MACROD2: variants seen among roughly 807,000 people sequenced by gnomAD.
MACROD2 encodes the protein mono-ADP ribosylhydrolase 2, also known as ADP-ribose glycohydrolase MACROD2.
In MACROD2, 36 loss-of-function variants were observed where a neutral mutation model predicts 70.4. That is an observed-to-expected ratio of 0.51 (90% confidence interval 0.39 to 0.68). The LOEUF (loss-of-function observed/expected upper bound fraction) is 0.68, where lower values mean the gene tolerates loss of function less well. Among genes scored for constraint, MACROD2 ranks in the 30% least tolerant of loss-of-function variants. The pLI, the probability that MACROD2 is intolerant of heterozygous loss-of-function variation, is 0.00. For missense variants in MACROD2, 496 were observed against 538.4 expected, an observed-to-expected ratio of 0.92 and a Z score of 0.78; for synonymous variants, 172 against 178.8, an observed-to-expected ratio of 0.96 and a Z score of 0.30.
intron 12 of MACROD2, among the ~76,000 whole-genome samples, chr20:15,944,723 T>A (rs2065797436): frequency 6.6e-6 from 1 of 152,164 alleles, no homozygotes; most frequent in South Asian, 2.1e-4. Flanking sequence ...AATAGTTTTT[T>A]AATTTTTTTG....
chr20:15,630,769 G>A (rs1034445970), intron 8 of MACROD2, among the ~76,000 whole-genome samples: 10 of 152,182 alleles, frequency 6.6e-5, no homozygotes, highest in Admixed American at 1.3e-4. Context: ...AATTACCCTC[G>A]CTAAGTTCTC....
intron 2 of MACROD2, among the ~76,000 whole-genome samples, chr20:14,078,487 A>G (rs964714819): frequency 6.6e-6 from 1 of 151,586 alleles, no homozygotes; most frequent in African/African-American, 2.4e-5. Flanking sequence ...GCTCACTGCA[A>G]CCTCCACCTC....
chr20:15,273,363 G>A (rs914327406), intron 6 of MACROD2, among the ~76,000 whole-genome samples: 1 of 151,848 alleles, frequency 6.6e-6, no homozygotes, highest in Non-Finnish European at 1.5e-5. Flanking sequence ...TTGGCTTACA[G>A]ACAGCCTACT....
intron 3 of MACROD2, among the ~76,000 whole-genome samples, chr20:14,087,140 A>C (rs772725970): frequency 6.6e-6 from 1 of 152,154 alleles, no homozygotes; most frequent in African/African-American, 2.4e-5. Context: ...CATGCCTGTA[A>C]GCCCAGCACT....
rs1307293582 is a variant in MACROD2 at position 15,718,451 on chromosome 20, C to T, written c.646-144294C>T. ...TTGCATTTTTACATAGAGGTAATGC[C>T]GAGGACATGAAGTTATTTTGGATTT... On this transcript the variant is annotated intron_variant, in intron 8 of 17. Coordinates refer to ENST00000684519, the MANE Select transcript of MACROD2 (RefSeq NM_001351661.2). 7.2e-5 allele frequency among the ~76,000 whole-genome samples: 11 copies of T among 152,200 alleles called. No homozygotes were observed. The South Asian group carries it at 1.2e-3, about 17-fold the overall frequency.
intron 5 of MACROD2, among the ~76,000 whole-genome samples, chr20:14,979,752 T>C (rs1429815118): frequency 6.6e-6 from 1 of 152,232 alleles, no homozygotes; most frequent in Non-Finnish European, 1.5e-5. Context: ...TATCCTTTGT[T>C]GTCACGTTGG....
intron 8 of MACROD2, among the ~76,000 whole-genome samples, chr20:15,744,582 T>A (rs1342614242): frequency 6.6e-6 from 1 of 152,144 alleles, no homozygotes; most frequent in Non-Finnish European, 1.5e-5. Context: ...TTGACCAAGC[T>A]TGTGGGTGGT....
chr20:15,283,222 G>A (rs1423021676), intron 6 of MACROD2, among the ~76,000 whole-genome samples: 1 of 152,140 alleles, frequency 6.6e-6, no homozygotes, highest in Non-Finnish European at 1.5e-5. Context: ...AACCATATCA[G>A]CCCCAGACCC....
intron 2 of MACROD2, among the ~76,000 whole-genome samples, chr20:14,009,491 G>C (rs2052868619): frequency 6.6e-6 from 1 of 152,144 alleles, no homozygotes; most frequent in Non-Finnish European, 1.5e-5. Context: ...CGAGGTTATA[G>C]AGGAACACTG....
rs907123436 is a variant in MACROD2 at position 15,117,512 on chromosome 20, G to A, written c.419-112428G>A. ...TGAATCTTAGAGCTCAGGAAATATC[G>A]CGATTTCAAATGGACAATCCTTGAC... is the stretch of plus-strand genomic sequence containing the variant. On this transcript the variant is annotated intron_variant, in intron 5 of 17. Transcript: ENST00000684519. Among the ~76,000 whole-genome samples the A allele has an allele frequency of 2.8e-5, 4 of 142,102 alleles. No individual in the cohort carries two copies. In the East Asian group the frequency reaches 6.4e-4, roughly 23 times the overall value. The allele number at this position is 142,102 out of a possible 152,430, so 93.2% of individuals were successfully genotyped here.
chr20:14,774,527 A>T (rs376803740), intron 5 of MACROD2, among the ~76,000 whole-genome samples: 2 of 152,096 alleles, frequency 1.3e-5, no homozygotes, highest in Non-Finnish European at 2.9e-5. Flanking sequence ...TTGGCTGTGG[A>T]TAATTTCTAT....
intron 8 of MACROD2, among the ~76,000 whole-genome samples, chr20:15,768,128 G>C (rs1435119477): frequency 1.3e-5 from 2 of 149,628 alleles, no homozygotes; most frequent in African/African-American, 5.0e-5. Context: ...GTGTGTTTGT[G>C]TGTATGTGTC....
At chr20:14,644,667 CTAA>C (rs1985284822) in intron 4 of MACROD2, among the ~76,000 whole-genome samples, 1 of 152,128 alleles carries the variant, frequency 6.6e-6, no homozygotes, top group South Asian at 2.1e-4. Context: ...ATGTTTATAA[CTAA>C]TGTTTATATG....
chr20:14,835,314 A>G (rs952189948), intron 5 of MACROD2, among the ~76,000 whole-genome samples: 4 of 152,092 alleles, frequency 2.6e-5, no homozygotes, highest in Non-Finnish European at 5.9e-5. Context: ...AAATGAAAGA[A>G]CATGTGAAAT....
chr20:14,832,627 G>C (rs765793074), intron 5 of MACROD2, among the ~76,000 whole-genome samples: 7 of 152,146 alleles, frequency 4.6e-5, no homozygotes, highest in African/African-American at 7.2e-5. Flanking sequence ...GCATCCCCAA[G>C]AGATTGTAAA....
chr20:15,591,564 T>C (rs2048679986), intron 8 of MACROD2, among the ~76,000 whole-genome samples: 1 of 114,074 alleles, frequency 8.8e-6, no homozygotes, highest in South Asian at 3.1e-4. Context: ...GTTTAACTCC[T>C]AGTTCTGAGG....
chr20:15,845,419 A>G (rs2064219944), intron 8 of MACROD2, among the ~76,000 whole-genome samples: 1 of 152,170 alleles, frequency 6.6e-6, no homozygotes, highest in Non-Finnish European at 1.5e-5. Context: ...CAGTTTGAAA[A>G]CTATGGCTTT....
At chr20:15,446,013 C>T (rs2046561198) in intron 7 of MACROD2, among the ~76,000 whole-genome samples, 1 of 152,120 alleles carries the variant, frequency 6.6e-6, no homozygotes, top group Non-Finnish European at 1.5e-5. Context: ...ACACCTTCTG[C>T]TATTAGAAGA....
intron 8 of MACROD2, among the ~76,000 whole-genome samples, chr20:15,676,318 A>G (rs943806275): frequency 3.9e-5 from 6 of 152,230 alleles, no homozygotes; most frequent in African/African-American, 1.4e-4. Context: ...TGAACATTCC[A>G]CTTAAAAGTC....
Sources: gnomAD v4.1 joint callset for allele counts (sites outside exome capture counted in the v4.1 genomes callset) on GRCh38, gnomAD v4.1.1 for gene constraint, MANE v1.5 for transcripts, NCBI Gene and HGNC (gene_info 2026-07-23, HGNC 2026-07-21) for gene names.